TLK2: variants seen among roughly 807,000 people sequenced by gnomAD.
TLK2 encodes the protein tousled like kinase 2.
TLK2 carries 6 observed loss-of-function variants against 117.3 expected under a neutral mutation model. That is an observed-to-expected ratio of 0.05 (90% CI 0.03 to 0.10). TLK2 has a LOEUF of 0.10. Among genes scored for constraint, TLK2 ranks in the 10% least tolerant of loss-of-function variants. The probability of loss-of-function intolerance (pLI) is 1.00; values close to 1 mark genes in which losing one functional copy is unlikely to be tolerated. For synonymous variants in TLK2, 257 were observed against 316.7 expected (o/e 0.81, Z 2.00); for missense variants, 299 against 901.2 (o/e 0.33, Z 8.56).
intron 18 of TLK2, 41 bp from the exon 19 acceptor site, chr17:62,601,996 TAAATC>T (rs747767982): frequency 6.4e-7 from 1 of 1,570,714 alleles, no homozygotes; most frequent in Non-Finnish European, 8.6e-7. Flanking sequence ...GTTTTTCTCT[TAAATC>T]AGTAAGTCTC....
chr17:62,582,474 G>A (rs2081290832), intron 15 of TLK2, among the ~76,000 whole-genome samples: 1 of 152,024 alleles, frequency 6.6e-6, no homozygotes, highest in South Asian at 2.1e-4. Context: ...ATTAGTCAGT[G>A]TTGTTATTAA....
chr17:62,597,939 C>T (rs915497302), intron 17 of TLK2, among the ~76,000 whole-genome samples: 5 of 152,176 alleles, frequency 3.3e-5, no homozygotes, highest in African/African-American at 7.2e-5. Flanking sequence ...CCCTCAGCCT[C>T]CCAGGGTAAT....
At chr17:62,571,597 G>A (rs1024034207) in intron 11 of TLK2, among the ~76,000 whole-genome samples, 2 of 152,182 alleles carry the variant, frequency 1.3e-5, no homozygotes, top group Non-Finnish European at 2.9e-5. Context: ...TTCGATTGAT[G>A]TCTAATCAGT....
chr17:62,595,283 CTT>C (rs770158122), intron 16 of TLK2, among the ~76,000 whole-genome samples: 142 of 133,284 alleles, frequency 1.1e-3, no homozygotes, highest in Admixed American at 1.4e-3. Context: ...GCCTGGCCCC[CTT>C]TTTTTTTTTT....
chr17:62,471,344 A>G (rs902710352), intron 1 of TLK2, among the ~76,000 whole-genome samples: 1 of 152,210 alleles, frequency 6.6e-6, no homozygotes, highest in Non-Finnish European at 1.5e-5. Context: ...CGAATGATTG[A>G]CAGTCTGAAA....
At chr17:62,542,863 T>A (rs1489153223) in intron 7 of TLK2, among the ~76,000 whole-genome samples, 2 of 152,232 alleles carry the variant, frequency 1.3e-5, no homozygotes, top group African/African-American at 4.8e-5. Flanking sequence ...CAAAGTATTT[T>A]AAAATACAAT....
At chr17:62,604,769 C>T (rs1598891868) in intron 19 of TLK2, among the ~76,000 whole-genome samples, 3 of 151,288 alleles carry the variant, frequency 2.0e-5, no homozygotes, top group South Asian at 4.2e-4. Context: ...ATTAGCTGGG[C>T]GTGGTGGTGC....
At chr17:62,541,538 G>A (rs530865949) in intron 7 of TLK2, among the ~76,000 whole-genome samples, 2 of 152,336 alleles carry the variant, frequency 1.3e-5, no homozygotes, top group East Asian at 3.9e-4. Context: ...GCAGGTGGCA[G>A]AATATTAAGA....
At chr17:62,543,434 A>G (rs2077684546) in intron 7 of TLK2, among the ~76,000 whole-genome samples, 1 of 152,212 alleles carries the variant, frequency 6.6e-6, no homozygotes, top group South Asian at 2.1e-4. Context: ...CTTCCACAGC[A>G]GCTGCACCAT....
chr17:62,539,290 A>G (rs1366620766), intron 7 of TLK2, among the ~76,000 whole-genome samples: 1 of 152,064 alleles, frequency 6.6e-6, no homozygotes, highest in Non-Finnish European at 1.5e-5. Flanking sequence ...TTCGCATCAG[A>G]CCTCATCTGA....
intron 19 of TLK2, among the ~76,000 whole-genome samples, chr17:62,602,640 G>A (rs556831037): frequency 3.3e-5 from 5 of 152,220 alleles, no homozygotes; most frequent in African/African-American, 7.2e-5. Context: ...TAACTATAGC[G>A]CATATGAAAT....
At chr17:62,565,474 G>A (rs1009587075) in intron 11 of TLK2, among the ~76,000 whole-genome samples, 10 of 152,014 alleles carry the variant, frequency 6.6e-5, no homozygotes, top group African/African-American at 1.9e-4. Context: ...CCAACATGGT[G>A]AGACCCTGTC....
chr17:62,477,548 G>C (rs1445482997), upstream of TLK2: 1 of 152,162 alleles, frequency 6.6e-6, no homozygotes, highest in African/African-American at 2.4e-5. Context: ...AAGAAATAAG[G>C]GCAGAAACTC....
intron 2 of TLK2, chr17:62,507,539 T>C (rs1166719835): frequency 6.6e-6 from 1 of 152,172 alleles, no homozygotes; most frequent in Non-Finnish European, 1.5e-5. Flanking sequence ...TGGGGTAGTT[T>C]GACTTTGTTG....
Position 62,612,491 on chromosome 17 carries a change from G to A in TLK2, c.2179G>A (p.Val727Ile). 1 of 1,614,192 alleles carries A rather than the reference G, an allele frequency of 6.2e-7. No homozygotes were observed. Among genetic ancestry groups the A allele is most frequent in the Non-Finnish European group, 8.5e-7 (1 of 1,180,032 alleles). Residue 727 changes from valine (V) to isoleucine (I), a missense_variant, in exon 22 of 22, where the codon GTC becomes ATC. Physicochemically the swap from Val to Ile is conservative, Grantham distance 29. Around this residue, in one of 4 missense-constraint regions of TLK2, gnomAD observed 19 missense variants for 29.2 expected, o/e 0.65. Transcript: ENST00000346027. ...PYLLPHIRKS[V>I]STSSPAGAAI... is the part of the protein sequence containing the mutation. ...CTTGTTGCCTCACATCCGAAAGTCA[G>A]TCTCTACAAGTAGCCCTGCTGGAGC...
At chr17:62,582,209 T>C (rs998511043) in intron 15 of TLK2, among the ~76,000 whole-genome samples, 2 of 152,182 alleles carry the variant, frequency 1.3e-5, no homozygotes, top group African/African-American at 4.8e-5. Context: ...TCAGTTTTGG[T>C]AATTTAATTT....
At chr17:62,555,120 T>G (rs980854299) in intron 9 of TLK2, among the ~76,000 whole-genome samples, 4 of 152,088 alleles carry the variant, frequency 2.6e-5, no homozygotes, top group African/African-American at 9.7e-5. Context: ...AAGGTATAGG[T>G]TTAATCCTTA....
chr17:62,531,960 C>T (rs1228101642), intron 6 of TLK2, among the ~76,000 whole-genome samples: 3 of 152,136 alleles, frequency 2.0e-5, no homozygotes, highest in Non-Finnish European at 4.4e-5. Context: ...GGAAGGGTTT[C>T]CTATTGAACC....
chr17:62,483,988 G>A (rs577582306), intron 2 of TLK2, among the ~76,000 whole-genome samples: 1 of 152,060 alleles, frequency 6.6e-6, no homozygotes, highest in Admixed American at 6.6e-5. Flanking sequence ...ACCATGCCCA[G>A]CTAATTTTTG....
Sources: gnomAD v4.1 joint callset for allele counts (sites outside exome capture counted in the v4.1 genomes callset) on GRCh38, gnomAD v4.1.1 for gene constraint, gnomAD v4.1.1 regional missense constraint, MANE v1.5 for transcripts, NCBI Gene and HGNC (gene_info 2026-07-23, HGNC 2026-07-21) for gene names.